Variants in TLE3 observed in about 807,000 individuals in gnomAD.
TLE3 encodes TLE family member 3, transcriptional corepressor.
TLE3 carries 14 observed loss-of-function variants against 93.0 expected under a neutral mutation model. The ratio of observed to expected loss-of-function variants is 0.15; its 90% CI spans 0.10 to 0.24. The LOEUF is 0.24. Ranked by LOEUF, TLE3 falls within the 10% of genes least tolerant of loss-of-function variation. The pLI, the probability that TLE3 is intolerant of heterozygous loss-of-function variation, is 1.00. For missense variants in TLE3, 693 were observed against 1,046.6 expected (o/e 0.66, Z 4.66); for synonymous variants, 451 against 425.0 (o/e 1.06, Z -0.75).
At chr15:70,066,522 A>C in intron 6 of TLE3, 1 of 315,542 alleles carries the variant, frequency 3.2e-6, no homozygotes, top group Non-Finnish European at 5.8e-6. Flanking sequence ...TAAAGAATGC[A>C]TGCATTTAAA....
chr15:70,093,562 G>T lies in TLE3; in HGVS notation c.234+970C>A, dbSNP rs532509993. Among the ~76,000 whole-genome samples the T allele has an allele frequency of 7.9e-4, 121 of 152,294 alleles. 1 individual carries two copies. The highest frequency in any genetic ancestry group is 2.1e-4 in the Non-Finnish European group (14 of 68,026). ...ACACCAATTGTTAAAAAGAACAACC[G>T]GCCTGCCTGCTCCATTTATACGTGC... is the stretch of plus-strand genomic sequence containing the variant. On this transcript the variant is annotated intron_variant, in intron 4 of 19. Coordinates refer to ENST00000451782, the MANE Select transcript of TLE3 (RefSeq NM_001105192.3).
At chr15:70,096,666 A>AAC in intron 1 of TLE3, 109 bp downstream of exon 1, 1 of 1,557,038 alleles carries the variant, frequency 6.4e-7, no homozygotes, top group Non-Finnish European at 8.7e-7. Context: ...CACACACACA[A>AAC]ACACACACAC....
intron 3 of TLE3, 148 bp from the exon 4 acceptor site, chr15:70,094,724 A>G: frequency 1.6e-6 from 1 of 640,966 alleles, no homozygotes; most frequent in Admixed American, 3.0e-5. Context: ...AAGCCAGCTT[A>G]CAGAGCGGTT....
chr15:70,066,121 G>T lies in TLE3; in HGVS notation c.470C>A (p.Pro157His). Residue 157 changes from proline (P) to histidine (H), a missense_variant, in exon 7 of 20, where the codon CCC becomes CAC. Coordinates refer to ENST00000451782, the MANE Select transcript of TLE3 (RefSeq NM_001105192.3). ...CCCGGAGCTGCTCCCTGTCACTGGG[G>T]GGATTCCTGGAGGCTGGAGACCTGA... ...HPSGLQPPGI[P>H]PVTGSSSGLL... 1.3e-6 allele frequency: 2 copies of T among 1,564,774 alleles called. No homozygotes were observed. The highest frequency in any genetic ancestry group is 1.7e-6 in the Non-Finnish European group (2 of 1,154,478).
chr15:70,051,428 T>C lies in TLE3; in HGVS notation c.2165A>G (p.Asn722Ser). ...FVSTGKDNLL[N>S]AWRTPYGASI... is the part of the protein sequence containing the mutation. The stretch of plus-strand genomic sequence containing the variant: ...GGCTCCATAAGGCGTCCTCCAGGCG[T>C]TGAGAAGGTTATCTTTCCCAGTGCT... Residue 722 changes from asparagine to serine, a missense_variant, in exon 19 of 20, where the codon AAC becomes AGC. Physicochemically the swap from Asn to Ser is conservative, Grantham distance 46. Coordinates refer to ENST00000451782, the MANE Select transcript of TLE3 (RefSeq NM_001105192.3). 2 of 1,610,484 alleles carry C rather than the reference T, an allele frequency of 1.2e-6. No individual in the cohort carries two copies. Among genetic ancestry groups the C allele is most frequent in the Non-Finnish European group, 1.7e-6 (2 of 1,178,424 alleles).
Position 70,097,824 on chromosome 15 carries a change from A to G in TLE3, c.-1026T>C. ...CGCACACACACACACACCAAAAAAA[A>G]AAGTGCCCCGGACCTACGGATACCA... On this transcript the variant is annotated 5_prime_UTR_variant, in exon 1 of 20. Transcript: ENST00000451782. 2.7e-6 allele frequency: 1 copy of G among 374,746 alleles called. No homozygotes were observed. Among genetic ancestry groups the G allele is most frequent in the Non-Finnish European group, 4.7e-6 (1 of 211,448 alleles). 23.2% of individuals were successfully genotyped at this position (374,746 alleles called of 1,614,324 possible). A position where few individuals can be genotyped will look rare whatever the true frequency, so the allele number is the denominator to read the frequency against.
At chr15:70,087,563 C>T (rs1023933869) in intron 4 of TLE3, among the ~76,000 whole-genome samples, 1 of 152,238 alleles carries the variant, frequency 6.6e-6, no homozygotes, top group African/African-American at 2.4e-5. Flanking sequence ...TGGATCCTAT[C>T]CTTCACACAG....
intron 8 of TLE3, among the ~76,000 whole-genome samples, chr15:70,061,954 CCTTCT>C (rs2056505333): frequency 6.6e-6 from 1 of 152,168 alleles, no homozygotes; most frequent in South Asian, 2.1e-4. Flanking sequence ...ATGAGGCTTC[CCTTCT>C]CTTCTCCACT....
intron 4 of TLE3, 105 bp from the exon 5 acceptor site, chr15:70,076,263 C>G (rs2057441471): frequency 1.0e-6 from 1 of 988,640 alleles, no homozygotes; most frequent in East Asian, 2.4e-5. Flanking sequence ...CAGCCCCTCT[C>G]CACGGGGCTC....
At chr15:70,095,082 G>A (rs949162868) in intron 3 of TLE3, among the ~76,000 whole-genome samples, 5 of 152,198 alleles carry the variant, frequency 3.3e-5, no homozygotes, top group Non-Finnish European at 5.9e-5. Context: ...AGTGGAGGCA[G>A]AGAGAGCTTT....
intron 6 of TLE3, among the ~76,000 whole-genome samples, chr15:70,067,974 TG>T (rs1350239709): frequency 6.6e-6 from 1 of 152,210 alleles, no homozygotes; most frequent in Admixed American, 6.5e-5. Flanking sequence ...CACAAAGCTA[TG>T]GGGGCCCCTG....
intron 8 of TLE3, 97 bp downstream of exon 8, chr15:70,064,357 G>A (rs2056681364): frequency 1.2e-5 from 18 of 1,471,094 alleles, no homozygotes; most frequent in East Asian, 4.7e-5. Context: ...TTTGGATACC[G>A]ACTGACTGGT....
In TLE3 at chr15:70,097,178, C is replaced by T. The variant is rs1388229408; in HGVS notation, c.-380G>A. ...CGGCGCGGGGTCCCGAGGCCGGGGG[C>T]CCCTCCTGGGGCGAGCTCGGGCCCC... On this transcript the variant is annotated 5_prime_UTR_variant, in exon 1 of 20. Coordinates refer to ENST00000451782, the MANE Select transcript of TLE3 (RefSeq NM_001105192.3). 4.8e-6 allele frequency: 2 copies of T among 418,294 alleles called. No homozygotes were observed. The highest frequency in any genetic ancestry group is 4.4e-5 in the Admixed American group (1 of 22,486). 25.9% of individuals were successfully genotyped at this position (418,294 alleles called of 1,614,324 possible).
chr15:70,095,918 A>G, intron 2 of TLE3: 1 of 634,834 alleles, frequency 1.6e-6, no homozygotes, highest in Non-Finnish European at 2.7e-6. Flanking sequence ...ACCCGGAGTG[A>G]ACCCGCTCGC....
At position 70,047,863 on chromosome 15, in the gene TLE3, G is replaced by C. The variant is rs1360978038; in HGVS notation, c.*2234C>G. On this transcript the variant is annotated 3_prime_UTR_variant, in exon 20 of 20. Coordinates refer to ENST00000451782, the MANE Select transcript of TLE3 (RefSeq NM_001105192.3). ...ATTGACAGCTGTACAATACTTTGGT[G>C]TTAACCTGTGGTCTTCCTTCACCTC... 5 of 152,188 alleles carry C rather than the reference G, an allele frequency of 3.3e-5. No individual in the cohort carries two copies. The highest frequency in any genetic ancestry group is 7.3e-5 in the Non-Finnish European group (5 of 68,046). 9.4% of individuals were successfully genotyped at this position (152,188 alleles called of 1,614,324 possible).
At chr15:70,083,996 T>G (rs112417995) in intron 4 of TLE3, among the ~76,000 whole-genome samples, 3 of 152,088 alleles carry the variant, frequency 2.0e-5, no homozygotes, top group African/African-American at 7.2e-5. Context: ...AAGGCAGGAG[T>G]GATGGCATTT....
intron 4 of TLE3, among the ~76,000 whole-genome samples, chr15:70,084,419 C>T (rs530631959): frequency 3.8e-4 from 58 of 152,344 alleles, no homozygotes; most frequent in Admixed American, 9.1e-4. Flanking sequence ...ATGTAAACAG[C>T]GCCCAGGGTG....
At chr15:70,079,287 G>A (rs2057622728) in intron 4 of TLE3, 2 of 458,872 alleles carry the variant, frequency 4.4e-6, no homozygotes, top group African/African-American at 2.2e-5. Flanking sequence ...TCTTTCCTGA[G>A]GCCCATGTTC....
chr15:70,096,738 G>A (rs2058585435), intron 1 of TLE3, 37 bp downstream of exon 1: 3 of 1,611,564 alleles, frequency 1.9e-6, no homozygotes, highest in East Asian at 4.5e-5. Flanking sequence ...ACCCTGCCAT[G>A]ATAGATGCTT....
Sources: allele counts gnomAD v4.1 joint callset (sites outside exome capture counted in the v4.1 genomes callset), GRCh38; gene constraint gnomAD v4.1.1; transcripts MANE v1.5; gene names NCBI Gene and HGNC (gene_info 2026-07-23, HGNC 2026-07-21).